Variants in CSMD2 observed in about 807,000 individuals in gnomAD.
CSMD2 encodes the protein CUB and sushi domain-containing protein 2.
Under a neutral mutation model 398.5 loss-of-function variants are expected in CSMD2, and 130 were observed. That is an observed-to-expected ratio of 0.33 (90% confidence interval 0.28 to 0.38). The LOEUF (loss-of-function observed/expected upper bound fraction) is 0.38. Among genes scored for constraint, CSMD2 ranks in the 10% least tolerant of loss-of-function variants. The pLI is 1.00. For missense variants in CSMD2, 3,829 were observed against 4,764.9 expected, an observed-to-expected ratio of 0.80 and a Z score of 5.78; for synonymous variants, 1,828 against 1,908.5, an observed-to-expected ratio of 0.96 and a Z score of 1.10.
intron 1 of CSMD2, among the ~76,000 whole-genome samples, chr1:34,158,976 C>T (rs1641059111): frequency 6.6e-6 from 1 of 152,180 alleles, no homozygotes; most frequent in Admixed American, 6.5e-5. Context: ...GAAGATGCCC[C>T]TTAACCCGTT....
At chr1:33,787,783 G>T (rs916019478) in intron 12 of CSMD2, among the ~76,000 whole-genome samples, 2 of 152,138 alleles carry the variant, frequency 1.3e-5, no homozygotes, top group African/African-American at 4.8e-5. Context: ...TTTGGAAGTG[G>T]TCAGAAGGGT....
intron 5 of CSMD2, among the ~76,000 whole-genome samples, chr1:33,906,023 T>C (rs1643065276): frequency 6.6e-6 from 1 of 152,208 alleles, no homozygotes; most frequent in Non-Finnish European, 1.5e-5. Flanking sequence ...TGTCATGGTA[T>C]TAAAGAAGGC....
chr1:33,890,634 G>C (rs576941335), intron 5 of CSMD2, among the ~76,000 whole-genome samples: 221 of 151,906 alleles, frequency 1.5e-3, no homozygotes, highest in Middle Eastern at 0.01. Context: ...CATGCTACCT[G>C]ACTTCAAACT....
chr1:33,725,502 C>T lies in CSMD2; in HGVS notation c.2542G>A (p.Val848Ile). The T allele has an allele frequency of 6.2e-7, 1 of 1,614,242 alleles. No homozygotes were observed. The highest frequency in any genetic ancestry group is 8.5e-7 in the Non-Finnish European group (1 of 1,180,038). Residue 848 changes from valine (V) to isoleucine (I), a missense_variant, in exon 17 of 71, where the codon GTA (valine) becomes ATA (isoleucine). Physicochemically the swap from Val to Ile is conservative, Grantham distance 29. Coordinates refer to ENST00000373381, the MANE Select transcript of CSMD2 (RefSeq NM_001281956.2). ...KTEVNYDTLE[V>I]RDGRTYSAPL... ...GCTGAGTAAGTCCGCCCATCGCGTA[C>T]TTCCAGGGTGTCATAGTTGACCTCG...
At chr1:33,746,496 A>AT (rs1647403525) in intron 13 of CSMD2, among the ~76,000 whole-genome samples, 1 of 152,156 alleles carries the variant, frequency 6.6e-6, no homozygotes, top group South Asian at 2.1e-4. Flanking sequence ...TCAGTGTATT[A>AT]TTTTTTCTCT....
chr1:33,971,559 A>C (rs1645764901), intron 3 of CSMD2, among the ~76,000 whole-genome samples: 1 of 152,246 alleles, frequency 6.6e-6, no homozygotes, highest in Admixed American at 6.5e-5. Context: ...GAGCAGAGCC[A>C]GCAGCTTCCG....
intron 10 of CSMD2, among the ~76,000 whole-genome samples, chr1:33,806,476 C>T (rs1448268698): frequency 6.6e-6 from 1 of 152,042 alleles, no homozygotes; most frequent in Admixed American, 6.5e-5. Flanking sequence ...CAAAGAATTA[C>T]CAGAGAGAAA....
At chr1:34,125,507 C>CGG (rs1427780669) in intron 1 of CSMD2, among the ~76,000 whole-genome samples, 3 of 141,196 alleles carry the variant, frequency 2.1e-5, no homozygotes, top group Non-Finnish European at 4.6e-5. Context: ...TCAACCTTGG[C>CGG]TGTGTGTGTG....
chr1:33,841,181 G>A (rs1463952407), intron 6 of CSMD2, among the ~76,000 whole-genome samples: 1 of 152,156 alleles, frequency 6.6e-6, no homozygotes. Context: ...ACAGGTATAG[G>A]AAAGGCAGGC....
chr1:33,539,587 A>G (rs531071264), intron 60 of CSMD2, among the ~76,000 whole-genome samples: 102 of 152,362 alleles, frequency 6.7e-4, no homozygotes, highest in African/African-American at 2.2e-3. Context: ...CACACGGGAC[A>G]CCATCAAAAG....
chr1:34,153,499 G>A (rs1301078551), intron 1 of CSMD2, among the ~76,000 whole-genome samples: 1 of 152,254 alleles, frequency 6.6e-6, no homozygotes, highest in East Asian at 1.9e-4. Flanking sequence ...TGTGAATAAT[G>A]CTGCTCTGAG....
chr1:33,975,425 A>G (rs1179939338), intron 3 of CSMD2, among the ~76,000 whole-genome samples: 1 of 151,704 alleles, frequency 6.6e-6, no homozygotes, highest in Non-Finnish European at 1.5e-5. Flanking sequence ...TATTTAAATA[A>G]ATGAATAGAT....
chr1:34,113,545 T>A (rs1012283441), intron 1 of CSMD2, among the ~76,000 whole-genome samples: 7 of 152,142 alleles, frequency 4.6e-5, no homozygotes, highest in Non-Finnish European at 1.0e-4. Flanking sequence ...TGTAAATCCC[T>A]GGCGCCCCCT....
chr1:34,081,221 C>G (rs368233182), intron 2 of CSMD2, among the ~76,000 whole-genome samples: 206 of 152,164 alleles, frequency 1.4e-3, no homozygotes, highest in African/African-American at 4.8e-3. Flanking sequence ...CCCAAGGGTC[C>G]CCACCAAGCA....
At chr1:33,697,060 T>G (rs1205701409) in intron 24 of CSMD2, among the ~76,000 whole-genome samples, 1 of 152,138 alleles carries the variant, frequency 6.6e-6, no homozygotes, top group Non-Finnish European at 1.5e-5. Context: ...CTAGTGTAAG[T>G]CTAAGTTTAA....
chr1:33,903,644 C>T (rs1570089), intron 5 of CSMD2, among the ~76,000 whole-genome samples: 37,709 of 152,048 alleles, frequency 0.25, 4,817 homozygotes, highest in South Asian at 0.31. Context: ...CCAAGATGCA[C>T]ATTAGGGGCT....
chr1:33,686,355 G>A (rs1364124169), intron 25 of CSMD2, among the ~76,000 whole-genome samples: 1 of 152,242 alleles, frequency 6.6e-6, no homozygotes, highest in Non-Finnish European at 1.5e-5. Context: ...AAGGGTGACA[G>A]GGAGGGAGCA....
intron 5 of CSMD2, among the ~76,000 whole-genome samples, chr1:33,880,497 C>T (rs1023931011): frequency 2.6e-5 from 4 of 152,130 alleles, no homozygotes; most frequent in Non-Finnish European, 2.9e-5. Context: ...AATGTGTAGT[C>T]GGTATGGGAT....
chr1:33,611,019 A>C lies in CSMD2; in HGVS notation c.6343+22T>G. 1.9e-6 allele frequency: 3 copies of C among 1,608,012 alleles called. No individual in the cohort carries two copies. In the South Asian group the frequency reaches 3.3e-5, roughly 18 times the overall value. On this transcript the variant is annotated intron_variant, in intron 41 of 70. Coordinates refer to ENST00000373381, the MANE Select transcript of CSMD2 (RefSeq NM_001281956.2). ...GAGATGGAGATAGACAGAGAAGCAA[A>C]GGCGGTGCTCCTTGTCCTTACCCTG...
Sources: gnomAD v4.1 joint callset for allele counts (sites outside exome capture counted in the v4.1 genomes callset) on GRCh38, gnomAD v4.1.1 for gene constraint, MANE v1.5 for transcripts, NCBI Gene and HGNC (gene_info 2026-07-23, HGNC 2026-07-21) for gene names.